The following RSF1 variants were observed in gnomAD, a reference collection of about 807,000 sequenced individuals.
RSF1 encodes the protein remodeling and spacing factor 1.
RSF1 carries 13 observed loss-of-function variants against 145.2 expected under a neutral mutation model. The observed-to-expected ratio is 0.09, with a 90% confidence interval of 0.06 to 0.14. RSF1 has a LOEUF of 0.14. Among genes scored for constraint, RSF1 ranks in the 10% least tolerant of loss-of-function variants. The probability of loss-of-function intolerance (pLI) is 1.00; values close to 1 mark genes in which losing one functional copy is unlikely to be tolerated. For synonymous variants in RSF1, 577 were observed against 592.6 expected, an observed-to-expected ratio of 0.97 and a Z score of 0.38; for missense variants, 1,517 against 1,718.2, an observed-to-expected ratio of 0.88 and a Z score of 2.07.
chr11:77,770,712 A>C (rs539440922), intron 1 of RSF1, among the ~76,000 whole-genome samples: 1 of 152,350 alleles, frequency 6.6e-6, no homozygotes, highest in South Asian at 2.1e-4. Context: ...TTTATCTGCT[A>C]CCAAGAAAGT....
intron 5 of RSF1, 62 bp from the exon 6 acceptor site, chr11:77,702,557 C>T: frequency 8.9e-7 from 1 of 1,124,944 alleles, no homozygotes. Flanking sequence ...AAATATAAGA[C>T]TTAGTATAAT....
chr11:77,726,290 A>G (rs1961051656), intron 4 of RSF1, among the ~76,000 whole-genome samples: 1 of 152,164 alleles, frequency 6.6e-6, no homozygotes, highest in South Asian at 2.1e-4. Flanking sequence ...CAAATAAATA[A>G]AAGTCTAACC....
intron 5 of RSF1, among the ~76,000 whole-genome samples, chr11:77,713,547 A>G (rs879556354): frequency 7.2e-5 from 11 of 152,204 alleles, no homozygotes; most frequent in Non-Finnish European, 1.2e-4. Flanking sequence ...TGAGTTTCCA[A>G]CTACTTCAGG....
the RSF1 span, among the ~76,000 whole-genome samples, chr11:77,842,828 A>C: frequency 6.6e-6 from 1 of 152,216 alleles, no homozygotes; most frequent in Non-Finnish European, 1.5e-5. Flanking sequence ...CATTATAGTG[A>C]CTTACATTCA....
At chr11:77,771,780 G>C (rs975843987) in intron 1 of RSF1, among the ~76,000 whole-genome samples, 2 of 152,130 alleles carry the variant, frequency 1.3e-5, no homozygotes, top group East Asian at 3.9e-4. Context: ...AATGTCCATA[G>C]GATAGAGATT....
the RSF1 span, among the ~76,000 whole-genome samples, chr11:77,833,309 G>A: frequency 6.6e-6 from 1 of 152,034 alleles, no homozygotes; most frequent in Non-Finnish European, 1.5e-5. Flanking sequence ...GGAGCCCTGA[G>A]CTTGTTTTCC....
chr11:77,695,883 A>C (rs1960266153), intron 7 of RSF1, among the ~76,000 whole-genome samples: 1 of 152,182 alleles, frequency 6.6e-6, no homozygotes, highest in African/African-American at 2.4e-5. Flanking sequence ...CTCCAGTTCT[A>C]ATCTACCATC....
rs1387539822 is a variant in RSF1, at chr11:77,662,643, G to C, written c.*4274C>G. 9.2e-5 allele frequency: 14 copies of C among 152,108 alleles called. No individual in the cohort carries two copies. The highest frequency in any genetic ancestry group is 9.2e-4 in the Admixed American group (14 of 15,248). 9.4% of individuals were successfully genotyped at this position (152,108 alleles called of 1,614,324 possible). On this transcript the variant is annotated 3_prime_UTR_variant, in exon 16 of 16. Transcript: ENST00000308488. ...GATAGCAAAAGGCTTTGACCTTAAG[G>C]ATTGGTATAAAAATGACACAAAAAA...
chr11:77,668,267 G>T (rs1055394441), intron 15 of RSF1, among the ~76,000 whole-genome samples: 1 of 152,244 alleles, frequency 6.6e-6, no homozygotes, highest in Admixed American at 6.5e-5. Flanking sequence ...CTCCCAAAGT[G>T]CTGGGATTAT....
rs370006348 is a variant in RSF1 at position 77,683,702 on chromosome 11, C to T, written c.3065+8G>A. The T allele has an allele frequency of 2.4e-5, 38 of 1,589,794 alleles. No homozygotes were observed. The highest frequency in any genetic ancestry group is 8.4e-5 in the Admixed American group (5 of 59,794). ...CTTTTGCTGTAGACATTTCCATACACTTCATACCTGTAGCTTATACATTTC... is the reference window on the plus strand; with the variant it reads ...CTTTTGCTGTAGACATTTCCATACATTTCATACCTGTAGCTTATACATTTC... On this transcript the variant is annotated splice_region_variant and intron_variant, in intron 11 of 15. Transcript: ENST00000308488.
At chr11:77,838,566 A>G in the RSF1 span, among the ~76,000 whole-genome samples, 2 of 150,084 alleles carry the variant, frequency 1.3e-5, no homozygotes, top group African/African-American at 4.9e-5. Flanking sequence ...GTCAATATTT[A>G]TAGTCATCTG....
intron 1 of RSF1, among the ~76,000 whole-genome samples, chr11:77,765,370 A>C (rs1363339272): frequency 2.0e-5 from 3 of 152,222 alleles, no homozygotes; most frequent in African/African-American, 7.2e-5. Context: ...TGATGTGTTA[A>C]ACTTCTCTGT....
At chr11:77,836,636 T>A in the RSF1 span, among the ~76,000 whole-genome samples, 9 of 152,366 alleles carry the variant, frequency 5.9e-5, no homozygotes, top group African/African-American at 2.2e-4. Context: ...TCTCTCCTTA[T>A]ATCACTTTTT....
At chr11:77,678,008 G>T in intron 12 of RSF1, 78 bp downstream of exon 12, 1 of 904,728 alleles carries the variant, frequency 1.1e-6, no homozygotes, top group Non-Finnish European at 1.8e-6. Context: ...AAAAACATAT[G>T]CTCACTGCCC....
chr11:77,685,707 A>G (rs1451191626), intron 9 of RSF1, among the ~76,000 whole-genome samples: 1 of 152,228 alleles, frequency 6.6e-6, no homozygotes, highest in Non-Finnish European at 1.5e-5. Context: ...CATTGGTGAA[A>G]TAAAACCTAT....
At chr11:77,734,239 AT>A (rs1406582939) in intron 4 of RSF1, among the ~76,000 whole-genome samples, 5 of 143,852 alleles carry the variant, frequency 3.5e-5, no homozygotes, top group African/African-American at 1.3e-4. Context: ...AAGTATAATT[AT>A]ATATAAGTTA....
At chr11:77,819,696 C>T (rs928562106) in intron 1 of RSF1, among the ~76,000 whole-genome samples, 1 of 152,144 alleles carries the variant, frequency 6.6e-6, no homozygotes, top group African/African-American at 2.4e-5. Flanking sequence ...ACGACTTCTT[C>T]GCCTAAGCCC....
rs796433231 is a variant in RSF1 at position 77,750,099 on chromosome 11, T to TA, written c.280-2972dup. ...GACATACTGCTGTGCCATTTGATGT[T>TA]AAAAAAAAAAAAATCCACTAATTAG... On this transcript the variant is annotated intron_variant, in intron 2 of 15. Coordinates refer to ENST00000308488, the MANE Select transcript of RSF1 (RefSeq NM_016578.4). 5.5e-3 allele frequency among the ~76,000 whole-genome samples: 796 copies of TA among 144,518 alleles called. 5 individuals are homozygous for TA. The highest frequency in any genetic ancestry group is 0.012 in the South Asian group (56 of 4,568). The allele number at this position is 144,518 out of a possible 152,430, so 94.8% of individuals were successfully genotyped here. A position where few individuals can be genotyped will look rare whatever the true frequency, so the allele number is the denominator to read the frequency against.
intron 15 of RSF1, among the ~76,000 whole-genome samples, chr11:77,670,896 C>T (rs1959505444): frequency 6.6e-6 from 1 of 151,448 alleles, no homozygotes; most frequent in African/African-American, 2.4e-5. Flanking sequence ...AACCTGAGGT[C>T]AGGAGTTCGA....
Sources: allele counts gnomAD v4.1 joint callset (sites outside exome capture counted in the v4.1 genomes callset), GRCh38; gene constraint gnomAD v4.1.1; transcripts MANE v1.5; gene names NCBI Gene and HGNC (gene_info 2026-07-23, HGNC 2026-07-21).